The following IRAK1 variants were observed in gnomAD, a reference collection of about 807,000 sequenced individuals.
IRAK1 encodes the protein interleukin 1 receptor associated kinase 1.
In IRAK1, 9 loss-of-function variants were observed where a neutral mutation model predicts 49.8. That is an observed-to-expected ratio of 0.18 (90% CI 0.11 to 0.32). The LOEUF (loss-of-function observed/expected upper bound fraction) is 0.32, where lower values mean the gene tolerates loss of function less well. Ranked by LOEUF, IRAK1 falls within the 10% of genes least tolerant of loss-of-function variation. IRAK1 has a pLI of 1.00. For missense variants in IRAK1, 418 were observed against 600.5 expected (o/e 0.70, Z 3.18); for synonymous variants, 282 against 270.8 (o/e 1.04, Z -0.41).
In IRAK1 at chrX:154,016,101, G is replaced by A; in HGVS notation, c.1237-4C>T. 8.3e-7 allele frequency: 1 copy of A among 1,203,528 alleles called. No individual in the cohort carries two copies. The highest frequency in any genetic ancestry group is 1.1e-6 in the Non-Finnish European group (1 of 887,751). ...CAGCCAAGGTCTCTAGCACTACCTGGAGAGAGGGAAGAGGGAGAGCATGGC... is the reference window on the plus strand; with the variant it reads ...CAGCCAAGGTCTCTAGCACTACCTGAAGAGAGGGAAGAGGGAGAGCATGGC... On this transcript the variant is annotated splice_polypyrimidine_tract_variant and splice_region_variant and intron_variant, in intron 9 of 13. Coordinates refer to ENST00000369980, the MANE Select transcript of IRAK1 (RefSeq NM_001569.4).
chrX:154,013,553 T>C (rs2065717175), intron 11 of IRAK1, 120 bp from the exon 12 acceptor site: 2 of 651,294 alleles, frequency 3.1e-6, no homozygotes, highest in Non-Finnish European at 4.5e-6. Context: ...TAAAATGACA[T>C]ACCCTGCAGC....
At chrX:154,015,952 A>C in intron 10 of IRAK1, 80 bp downstream of exon 10, 1 of 852,365 alleles carries the variant, frequency 1.2e-6, no homozygotes, top group Non-Finnish European at 1.8e-6. Context: ...ACTGCGCCCC[A>C]GTTATCCCCG....
chrX:154,018,901 G>A, intron 4 of IRAK1, 74 bp downstream of exon 4: 2 of 944,142 alleles, frequency 2.1e-6, no homozygotes, highest in Middle Eastern at 3.6e-4. Context: ...GCTGACTGGG[G>A]CTCTGCGCTA....
chrX:154,016,570 G>A lies in IRAK1; in HGVS notation c.1103C>T (p.Ala368Val). The change falls in exon 9 of 14, where the codon GCC (alanine) becomes GTC (valine). Residue 368 changes from alanine to valine, a missense_variant. Ala to Val is a moderately conservative substitution (Grantham distance 64, BLOSUM62 0). Around this residue, in one of 3 missense-constraint regions of IRAK1, gnomAD observed 377 missense variants for 499.5 expected, o/e 0.75. Transcript: ENST00000369980. ...GCTGCTCTGGCTGGGGCTGGACCCGGCAAAGCGGCTGAACCGGGCCAGGCC... is the reference window on the plus strand; with the variant it reads ...GCTGCTCTGGCTGGGGCTGGACCCGACAAAGCGGCTGAACCGGGCCAGGCC... ...DFGLARFSRF[A>V]GSSPSQSSMV... The A allele has an allele frequency of 8.3e-7, 1 of 1,211,637 alleles. No homozygotes were observed. Among genetic ancestry groups the A allele is most frequent in the Non-Finnish European group, 1.1e-6 (1 of 895,104 alleles).
At chrX:154,012,021 G>A (rs1450643245) in intron 13 of IRAK1, 104 bp from the exon 14 acceptor site, 15 of 651,441 alleles carry the variant, frequency 2.3e-5, no homozygotes, top group African/African-American at 1.1e-4. Flanking sequence ...CTCCTGGGGC[G>A]TTCGTGGGAA....
At chrX:154,015,092 C>T (rs1253961914) in intron 10 of IRAK1, among the ~76,000 whole-genome samples, 1 of 112,294 alleles carries the variant, frequency 8.9e-6, no homozygotes, top group Non-Finnish European at 1.9e-5. Flanking sequence ...TGGCTTTTCT[C>T]GCAGAGCGAA....
intron 10 of IRAK1, among the ~76,000 whole-genome samples, chrX:154,014,922 C>T (rs2065728119): frequency 9.0e-6 from 1 of 111,221 alleles, no homozygotes; most frequent in Non-Finnish European, 1.9e-5. Flanking sequence ...AGGGCAGAGC[C>T]GAGAAGGAAA....
intron 7 of IRAK1, among the ~76,000 whole-genome samples, chrX:154,017,590 G>A (rs113029270): frequency 0.02 from 2,222 of 111,154 alleles, 62 homozygotes; most frequent in African/African-American, 0.069. Flanking sequence ...GGGGTCAGGA[G>A]TTCGAGACTA....
At chrX:154,014,838 G>A (rs1362960790) in intron 10 of IRAK1, among the ~76,000 whole-genome samples, 2 of 111,940 alleles carry the variant, frequency 1.8e-5, no homozygotes, top group African/African-American at 6.5e-5. Context: ...CCTGGGACCC[G>A]GTTTGACAGA....
chrX:154,019,544 T>C lies in IRAK1; in HGVS notation c.191A>G (p.Gln64Arg), dbSNP rs781819951. 4.3e-6 allele frequency: 5 copies of C among 1,171,489 alleles called. No individual in the cohort carries two copies. In the African/African-American group the frequency reaches 9.0e-5, roughly 21 times the overall value. The change falls in exon 2 of 14, where the codon CAG becomes CGG. Residue 64 changes from glutamine (Q) to arginine (R), a missense_variant. Around this residue, in one of 3 missense-constraint regions of IRAK1, gnomAD observed 21 missense variants for 84.9 expected, o/e 0.25. Coordinates refer to ENST00000369980, the MANE Select transcript of IRAK1 (RefSeq NM_001569.4). ...TELRLCERSG[Q>R]RTASVLWPWI... ...GGGCCACAGGACGCTGGCCGTGCGC[T>C]GCCCGGAGCGCTCGCACAGCCGCAG...
rs782574273 is a variant in IRAK1, at chrX:154,011,675, G to A, written c.*184C>T. 1.9e-6 allele frequency: 1 copy of A among 517,541 alleles called. No individual in the cohort carries two copies. Among genetic ancestry groups the A allele is most frequent in the Non-Finnish European group, 3.5e-6 (1 of 284,817 alleles). The allele number at this position is 517,541 out of a possible 1,213,427, so 42.7% of individuals were successfully genotyped here. A position where few individuals can be genotyped will look rare whatever the true frequency, so the allele number is the denominator to read the frequency against. On this transcript the variant is annotated 3_prime_UTR_variant, in exon 14 of 14. Transcript: ENST00000369980. ...GCCCCCAGATGCTGGCATGGAGGCAGGGTTCCACTCTGCCTGCCTATGCCC... is the reference window on the plus strand; with the variant it reads ...GCCCCCAGATGCTGGCATGGAGGCAAGGTTCCACTCTGCCTGCCTATGCCC...
At chrX:154,013,811 C>T (rs1603303781) in intron 11 of IRAK1, among the ~76,000 whole-genome samples, 1 of 112,631 alleles carries the variant, frequency 8.9e-6, no homozygotes, top group South Asian at 3.6e-4. Flanking sequence ...GCGGCAGCAG[C>T]TCTTTCCTTC....
chrX:154,019,135 T>C, intron 3 of IRAK1, 57 bp from the exon 4 acceptor site: 1 of 1,205,649 alleles, frequency 8.3e-7, no homozygotes, highest in South Asian at 1.8e-5. Flanking sequence ...TCTACAGCCG[T>C]GGCCGTGGTC....
chrX:154,013,205 C>T lies in IRAK1; in HGVS notation c.1768G>A (p.Glu590Lys), dbSNP rs782018581. The change falls in exon 12 of 14, where the codon GAG becomes AAG. Residue 590 changes from glutamate to lysine, a missense_variant. Physicochemically the swap from Glu to Lys is moderately conservative, Grantham distance 56. Transcript: ENST00000369980. Reference sequence around the variant, plus strand: ...GCAGCAGAGAGGCCGCCTAGGCTCTCGTCACTCTCCACGGGCTGGTTGGGG... The same window carrying T: ...GCAGCAGAGAGGCCGCCTAGGCTCTTGTCACTCTCCACGGGCTGGTTGGGG... ...RGPNQPVESD[E>K]SLGGLSAALR... 1.7e-6 allele frequency: 2 copies of T among 1,209,966 alleles called. No homozygotes were observed. Among genetic ancestry groups the T allele is most frequent in the Non-Finnish European group, 1.1e-6 (1 of 895,307 alleles).
At chrX:154,012,876 C>T (rs1259798992) in intron 12 of IRAK1, among the ~76,000 whole-genome samples, 167 bp downstream of exon 12, 1 of 113,074 alleles carries the variant, frequency 8.8e-6, no homozygotes, top group Non-Finnish European at 1.9e-5. Flanking sequence ...GAGCAAGCTC[C>T]ACCTGGGAAG....
At position 154,019,888 on chromosome X, in the gene IRAK1, C is replaced by T. The variant is rs1311567423; in HGVS notation, c.-76G>A. 42 of 500,671 alleles carry T rather than the reference C, an allele frequency of 8.4e-5. No individual in the cohort carries two copies. Among genetic ancestry groups the T allele is most frequent in the Non-Finnish European group, 1.0e-4 (41 of 410,217 alleles). 41.3% of individuals were successfully genotyped at this position (500,671 alleles called of 1,213,427 possible). On this transcript the variant is annotated 5_prime_UTR_variant, in exon 1 of 14. Transcript: ENST00000369980. ...GGCGCGGGCCTGGGCCGGCCGGGTC[C>T]GCGGACACTGACTCACTTCCCCTTC...
chrX:154,015,159 C>T (rs1259618892), intron 10 of IRAK1, among the ~76,000 whole-genome samples: 1 of 112,081 alleles, frequency 8.9e-6, no homozygotes, highest in African/African-American at 3.2e-5. Context: ...TCCCAGGGAC[C>T]TGGGGCGTTG....
Position 154,019,258 on chromosome X carries a change from G to T in IRAK1, c.375C>A (p.Ala125=), listed in dbSNP as rs1388314116. Residue 125 remains alanine, a synonymous_variant, in exon 3 of 14, where the codon GCC becomes GCA. Coordinates refer to ENST00000369980, the MANE Select transcript of IRAK1 (RefSeq NM_001569.4). ...TCCGGGGGCTCCAGGCCTCGGCCTC[G>T]GCGGGTGCAGGGATGCTGCTGGGCC... The part of the protein sequence containing the change: ...APRPSSIPAP[A]EAEAWSPRKL... 6 of 1,201,608 alleles carry T rather than the reference G, an allele frequency of 5.0e-6. No homozygotes were observed. The Admixed American group carries it at 1.3e-4, about 27-fold the overall frequency.
At position 154,018,276 on chromosome X, in the gene IRAK1, C is replaced by G. The variant is rs782402415; in HGVS notation, c.794+15G>C. On this transcript the variant is annotated intron_variant, in intron 6 of 13. Transcript: ENST00000369980. ...AGCCCCACGGGACCTGGTGTGGCTC[C>G]CCCTCTGGCCTCACCTGGACAGCTG... 402 of 1,145,086 alleles carry G rather than the reference C, an allele frequency of 3.5e-4. No homozygotes were observed. The highest frequency in any genetic ancestry group is 4.4e-4 in the Non-Finnish European group (373 of 852,996). The allele number at this position is 1,145,086 out of a possible 1,213,427, so 94.4% of individuals were successfully genotyped here.
Sources: allele counts gnomAD v4.1 joint callset (sites outside exome capture counted in the v4.1 genomes callset), GRCh38; gene constraint gnomAD v4.1.1; regional missense constraint gnomAD v4.1.1; transcripts MANE v1.5; gene names NCBI Gene and HGNC (gene_info 2026-07-23, HGNC 2026-07-21).